The following CLEC12A variants were observed in gnomAD, a reference collection of about 807,000 sequenced individuals.
CLEC12A encodes C-type lectin protein CLL-1.
In CLEC12A, 22 loss-of-function variants were observed where a neutral mutation model predicts 26.5. The ratio of observed to expected loss-of-function variants is 0.83; its 90% CI spans 0.59 to 1.19. The LOEUF (loss-of-function observed/expected upper bound fraction) is 1.19. Ranked by LOEUF, CLEC12A falls within the 50% of genes most tolerant of loss-of-function variation. CLEC12A has a pLI of 0.00. For missense variants in CLEC12A, 353 were observed against 315.6 expected (o/e 1.12, Z -0.90); for synonymous variants, 119 against 101.9 (o/e 1.17, Z -1.01).
At chr12:9,974,357 A>G (rs1160480031) in intron 1 of CLEC12A, among the ~76,000 whole-genome samples, 1 of 152,134 alleles carries the variant, frequency 6.6e-6, no homozygotes, top group Non-Finnish European at 1.5e-5. Context: ...TGCATCACTC[A>G]GTACACTCTT....
upstream of CLEC12A, among the ~76,000 whole-genome samples, chr12:9,971,244 G>A (rs1399899120): frequency 2.0e-5 from 3 of 152,130 alleles, no homozygotes; most frequent in Non-Finnish European, 4.4e-5. Flanking sequence ...AGTTATTTGT[G>A]TTCTCTTGCA....
At chr12:9,991,146 G>C (rs1268730022) in intron 4 of CLEC12A, 3 of 152,084 alleles carry the variant, frequency 2.0e-5, no homozygotes, top group African/African-American at 4.8e-5. Context: ...TATTTCCGAG[G>C]CATGCCTGTA....
chr12:9,974,128 T>C (rs2137153658), intron 1 of CLEC12A, among the ~76,000 whole-genome samples: 1 of 152,288 alleles, frequency 6.6e-6, no homozygotes, highest in Admixed American at 6.5e-5. Context: ...GCCTGTTTCA[T>C]CCCAATAGTC....
chr12:9,957,597 A>G (rs1387237249), intron 1 of CLEC12A, among the ~76,000 whole-genome samples: 2 of 152,200 alleles, frequency 1.3e-5, no homozygotes, highest in African/African-American at 4.8e-5. Context: ...ACACAATTAC[A>G]TGTGAGAGTG....
intron 1 of CLEC12A, among the ~76,000 whole-genome samples, chr12:9,977,104 T>G (rs1864369981): frequency 1.3e-5 from 2 of 152,216 alleles, no homozygotes. Context: ...AGATGGTGTT[T>G]TGCTTTTTAT....
At chr12:9,959,618 C>T (rs866601418) in intron 1 of CLEC12A, among the ~76,000 whole-genome samples, 72 of 152,062 alleles carry the variant, frequency 4.7e-4, no homozygotes, top group African/African-American at 1.6e-3. Flanking sequence ...CCCTTGGTTA[C>T]AGGGGTCCCA....
In CLEC12A at chr12:9,985,171, C is replaced by A; in HGVS notation, c.*145C>A. The A allele has an allele frequency of 1.1e-6, 1 of 896,084 alleles. No individual in the cohort carries two copies. Among genetic ancestry groups the A allele is most frequent in the Non-Finnish European group, 1.5e-6 (1 of 654,218 alleles). The allele number at this position is 896,084 out of a possible 1,614,324, so 55.5% of individuals were successfully genotyped here. On this transcript the variant is annotated 3_prime_UTR_variant, in exon 6 of 6. Transcript: ENST00000304361. The stretch of plus-strand genomic sequence containing the variant: ...GCAGATGAAACATCCAGGTAGCAAG[C>A]TTCAGAGAGAATAGACTGTGAATGT...
At chr12:9,955,600 G>A (rs1010672748) in intron 1 of CLEC12A, among the ~76,000 whole-genome samples, 6 of 152,176 alleles carry the variant, frequency 3.9e-5, no homozygotes, top group Admixed American at 2.6e-4. Context: ...CATGAGATGT[G>A]TGGGTCATTT....
the CLEC12A span, among the ~76,000 whole-genome samples, chr12:10,003,128 A>G: frequency 6.6e-6 from 1 of 152,128 alleles, no homozygotes; most frequent in African/African-American, 2.4e-5. Flanking sequence ...AACATAAACC[A>G]CTTTTAAACT....
chr12:9,967,212 G>C (rs942217034), upstream of CLEC12A, among the ~76,000 whole-genome samples: 1 of 151,958 alleles, frequency 6.6e-6, no homozygotes, highest in Non-Finnish European at 1.5e-5. Flanking sequence ...TTGGGGTTGG[G>C]ACTGAGGGGA....
At chr12:9,957,578 T>C (rs748137039) in intron 1 of CLEC12A, among the ~76,000 whole-genome samples, 3 of 152,182 alleles carry the variant, frequency 2.0e-5, no homozygotes, top group Non-Finnish European at 4.4e-5. Context: ...GATCAGACTT[T>C]CACTAAATAC....
chr12:9,971,803 CTT>C lies in CLEC12A; in HGVS notation c.91+117_91+118del, dbSNP rs779038063. Reference sequence around the variant, plus strand: ...TCAACTTAAATTTTCAATTAAGTCTCTTATGTTTAAGCAAAGGAACAAAAAGT... The same window carrying C: ...TCAACTTAAATTTTCAATTAAGTCTCATGTTTAAGCAAAGGAACAAAAAGT... On this transcript the variant is annotated intron_variant, in intron 1 of 5. Transcript: ENST00000304361. The C allele has an allele frequency of 9.9e-4, 846 of 853,480 alleles. 1 individual carries two copies. The highest frequency in any genetic ancestry group is 1.4e-3 in the East Asian group (46 of 32,078). The allele number at this position is 853,480 out of a possible 1,614,324, so 52.9% of individuals were successfully genotyped here. A position where few individuals can be genotyped will look rare whatever the true frequency, so the allele number is the denominator to read the frequency against.
intron 1 of CLEC12A, among the ~76,000 whole-genome samples, chr12:9,962,472 C>A (rs577135871): frequency 7.9e-5 from 12 of 152,058 alleles, no homozygotes; most frequent in Non-Finnish European, 1.6e-4. Context: ...ACCAAACAGG[C>A]TTTGTGTGAG....
chr12:9,955,319 C>A (rs56335515), intron 1 of CLEC12A, among the ~76,000 whole-genome samples: 4,248 of 152,182 alleles, frequency 0.028, 207 homozygotes, highest in African/African-American at 0.096. Context: ...GATCTCCTGA[C>A]CTCATGATCC....
chr12:9,998,309 C>A (rs199738622), downstream of CLEC12A: 466 of 1,614,112 alleles, frequency 2.9e-4, 1 homozygote, highest in Non-Finnish European at 4.7e-5. Flanking sequence ...ACCAGCCCGA[C>A]AACCATCCCC....
chr12:9,970,298 A>C (rs1288542450), upstream of CLEC12A, among the ~76,000 whole-genome samples: 1 of 151,940 alleles, frequency 6.6e-6, no homozygotes, highest in Non-Finnish European at 1.5e-5. Context: ...TCTATCTGTA[A>C]TATTTTCCTA....
downstream of CLEC12A, chr12:9,986,119 C>A (rs1464702354): frequency 2.2e-6 from 1 of 455,028 alleles, no homozygotes; most frequent in Admixed American, 2.4e-5. Flanking sequence ...TGACGGAGAG[C>A]CACATCTCTG....
At chr12:9,973,116 T>C (rs1864191673) in intron 1 of CLEC12A, among the ~76,000 whole-genome samples, 1 of 152,188 alleles carries the variant, frequency 6.6e-6, no homozygotes, top group African/African-American at 2.4e-5. Context: ...TAATGTCTAC[T>C]CTTAGTCTCT....
chr12:10,002,065 T>C, the CLEC12A span, among the ~76,000 whole-genome samples: 38 of 152,006 alleles, frequency 2.5e-4, no homozygotes, highest in African/African-American at 8.9e-4. Flanking sequence ...GTATTTTTAG[T>C]AGAGACGCGG....
Sources: gnomAD v4.1 joint callset for allele counts (sites outside exome capture counted in the v4.1 genomes callset) on GRCh38, gnomAD v4.1.1 for gene constraint, MANE v1.5 for transcripts, NCBI Gene and HGNC (gene_info 2026-07-23, HGNC 2026-07-21) for gene names.